ELAPOR1: variants seen among roughly 807,000 people sequenced by gnomAD.
ELAPOR1 encodes the protein endosome/lysosome-associated apoptosis and autophagy regulator 1.
ELAPOR1 carries 77 observed loss-of-function variants against 119.7 expected under a neutral mutation model. The observed-to-expected ratio is 0.64, with a 90% CI of 0.54 to 0.78. The LOEUF (loss-of-function observed/expected upper bound fraction) is 0.78. Ranked by LOEUF, ELAPOR1 falls within the 30% of genes least tolerant of loss-of-function variation. The pLI is 0.00. For missense variants in ELAPOR1, 1,115 were observed against 1,270.4 expected, an observed-to-expected ratio of 0.88 and a Z score of 1.86; for synonymous variants, 481 against 487.2, an observed-to-expected ratio of 0.99 and a Z score of 0.17.
At chr1:109,148,337 C>G (rs1650317694) in intron 1 of ELAPOR1, among the ~76,000 whole-genome samples, 1 of 151,950 alleles carries the variant, frequency 6.6e-6, no homozygotes. Flanking sequence ...CGGGGTTTCA[C>G]CATGTTGGCC....
At chr1:109,155,453 C>A (rs1199104470) in intron 1 of ELAPOR1, among the ~76,000 whole-genome samples, 2 of 152,180 alleles carry the variant, frequency 1.3e-5, no homozygotes, top group Non-Finnish European at 2.9e-5. Context: ...GCTGGGATTA[C>A]AGGCGTGAGC....
At chr1:109,150,182 G>A (rs892478406) in intron 1 of ELAPOR1, among the ~76,000 whole-genome samples, 1 of 152,340 alleles carries the variant, frequency 6.6e-6, no homozygotes, top group East Asian at 1.9e-4. Context: ...CCAGGTCCGT[G>A]TGGAGGCCAC....
At chr1:109,166,840 G>A (rs746714185) in intron 3 of ELAPOR1, among the ~76,000 whole-genome samples, 1 of 152,176 alleles carries the variant, frequency 6.6e-6, no homozygotes, top group South Asian at 2.1e-4. Flanking sequence ...GCAAGTGAAA[G>A]TTTCACTTAT....
At chr1:109,145,435 C>T (rs1650115065) in intron 1 of ELAPOR1, among the ~76,000 whole-genome samples, 1 of 152,086 alleles carries the variant, frequency 6.6e-6, no homozygotes, top group Non-Finnish European at 1.5e-5. Flanking sequence ...ATGGGCCTAT[C>T]ACCTGAGATC....
intron 13 of ELAPOR1, 116 bp downstream of exon 13, chr1:109,191,979 A>C: frequency 6.9e-6 from 9 of 1,302,168 alleles, no homozygotes; most frequent in South Asian, 1.4e-5. Flanking sequence ...GAAGGATCTC[A>C]GGGGGTCAAG....
chr1:109,200,301 C>G (rs1055704366), intron 20 of ELAPOR1, 64 bp downstream of exon 20: 2 of 1,558,238 alleles, frequency 1.3e-6, no homozygotes, highest in East Asian at 2.3e-5. Flanking sequence ...GGGAGAATAT[C>G]TGAAAGTATA....
In ELAPOR1 at chr1:109,198,591, G is replaced by C. The variant is rs754103767; in HGVS notation, c.2418G>C (p.Gln806His). Reference protein sequence around the residue: ...IFFYRSNDVTQSCSSGRSTTI... With the variant: ...IFFYRSNDVTHSCSSGRSTTI... ...TCTGCAGGTCCAATGATGTGACCCA[G>C]TCCTGCAGTTCTGGGAGATCAACCA... Residue 806 changes from glutamine to histidine, a missense_variant, in exon 18 of 22, where the codon CAG becomes CAC. Gln to His is a conservative substitution (Grantham distance 24). Coordinates refer to ENST00000369939, the MANE Select transcript of ELAPOR1 (RefSeq NM_020775.5). 1 of 1,613,816 alleles carries C rather than the reference G, an allele frequency of 6.2e-7. No homozygotes were observed. Among genetic ancestry groups the C allele is most frequent in the Non-Finnish European group, 8.5e-7 (1 of 1,179,912 alleles).
At chr1:109,176,273 AT>A (rs1401433761) in intron 7 of ELAPOR1, among the ~76,000 whole-genome samples, 1 of 152,220 alleles carries the variant, frequency 6.6e-6, no homozygotes, top group Non-Finnish European at 1.5e-5. Flanking sequence ...CAGTCCAGAC[AT>A]TGGTATGAGG....
At chr1:109,129,868 C>T (rs1028972089) in intron 1 of ELAPOR1, among the ~76,000 whole-genome samples, 1 of 152,234 alleles carries the variant, frequency 6.6e-6, no homozygotes, top group African/African-American at 2.4e-5. Context: ...CAAAGTATCA[C>T]AAACTGGGTG....
chr1:109,158,102 G>T (rs1355606804), intron 1 of ELAPOR1, among the ~76,000 whole-genome samples: 1 of 152,100 alleles, frequency 6.6e-6, no homozygotes, highest in Non-Finnish European at 1.5e-5. Context: ...TGGCCAGGCT[G>T]GTCTCAAACT....
chr1:109,185,420 C>T (rs577661091), intron 8 of ELAPOR1, among the ~76,000 whole-genome samples: 13 of 147,672 alleles, frequency 8.8e-5, no homozygotes, highest in South Asian at 2.1e-4. Flanking sequence ...TTCTATTTGC[C>T]GAGCCACTCC....
At chr1:109,139,168 T>C (rs1201067495) in intron 1 of ELAPOR1, among the ~76,000 whole-genome samples, 2 of 151,808 alleles carry the variant, frequency 1.3e-5, no homozygotes, top group Non-Finnish European at 1.5e-5. Context: ...CTGGGTAACA[T>C]GGCAATACCC....
intron 1 of ELAPOR1, among the ~76,000 whole-genome samples, chr1:109,145,277 G>GA (rs985871494): frequency 4.6e-5 from 7 of 151,784 alleles, no homozygotes; most frequent in African/African-American, 1.5e-4. Flanking sequence ...CTAGAACGGT[G>GA]AAAAAAAATA....
chr1:109,177,346 GGCT>G (rs1392590577), intron 7 of ELAPOR1, among the ~76,000 whole-genome samples: 27 of 122,056 alleles, frequency 2.2e-4, no homozygotes, highest in Non-Finnish European at 4.0e-4. Context: ...CAGACCGGGC[GGCT>G]GCCGGGCGGA....
intron 2 of ELAPOR1, among the ~76,000 whole-genome samples, chr1:109,163,402 T>A (rs931064494): frequency 2.6e-5 from 4 of 152,204 alleles, no homozygotes; most frequent in African/African-American, 4.8e-5. Context: ...GTTTTACTTT[T>A]TATTTTTTTA....
chr1:109,124,676 C>T (rs1648660095), intron 1 of ELAPOR1, among the ~76,000 whole-genome samples: 1 of 152,198 alleles, frequency 6.6e-6, no homozygotes, highest in Non-Finnish European at 1.5e-5. Flanking sequence ...TTTTACTTCT[C>T]ATTAACCTTG....
At chr1:109,129,824 C>T (rs908713515) in intron 1 of ELAPOR1, among the ~76,000 whole-genome samples, 1 of 152,208 alleles carries the variant, frequency 6.6e-6, no homozygotes, top group African/African-American at 2.4e-5. Context: ...ATAAGACGTG[C>T]ACTAGTTATA....
chr1:109,181,117 T>C (rs1652667598), intron 7 of ELAPOR1, among the ~76,000 whole-genome samples: 3 of 152,138 alleles, frequency 2.0e-5, no homozygotes. Context: ...AAAGAGAAGC[T>C]CAGCGACACT....
intron 1 of ELAPOR1, among the ~76,000 whole-genome samples, chr1:109,120,725 T>A (rs1020031794): frequency 6.6e-6 from 1 of 152,072 alleles, no homozygotes; most frequent in Non-Finnish European, 1.5e-5. Flanking sequence ...TCAGAGCTCT[T>A]GGGGGTCGTG....
Sources: gnomAD v4.1 joint callset for allele counts (sites outside exome capture counted in the v4.1 genomes callset) on GRCh38, gnomAD v4.1.1 for gene constraint, MANE v1.5 for transcripts, NCBI Gene and HGNC (gene_info 2026-07-23, HGNC 2026-07-21) for gene names.